Variants in LRRC7 observed in about 807,000 individuals in gnomAD.
The protein encoded by LRRC7 is leucine rich repeat containing 7.
A neutral mutation model predicts 175.7 loss-of-function variants in LRRC7; 23 were observed. The observed-to-expected ratio is 0.13, with a 90% CI of 0.09 to 0.19. The LOEUF (loss-of-function observed/expected upper bound fraction) is 0.19, where lower values mean the gene tolerates loss of function less well. LRRC7 is among the 10% of genes least tolerant of loss of function. The pLI is 1.00. For missense variants in LRRC7, 1,354 were observed against 1,904.7 expected (o/e 0.71, Z 5.38); for synonymous variants, 685 against 680.9 (o/e 1.01, Z -0.09).
chr1:69,697,901 G>A (rs923498649), intron 2 of LRRC7, among the ~76,000 whole-genome samples: 3 of 152,322 alleles, frequency 2.0e-5, no homozygotes, highest in South Asian at 2.1e-4. Flanking sequence ...GCTTACTGCT[G>A]TACAACTGAG....
intron 7 of LRRC7, among the ~76,000 whole-genome samples, chr1:69,897,115 C>T (rs1165494736): frequency 6.6e-6 from 1 of 152,112 alleles, no homozygotes; most frequent in African/African-American, 2.4e-5. Flanking sequence ...TGAAGATGTA[C>T]AACCCAACAA....
chr1:69,723,699 G>A (rs574318784), intron 2 of LRRC7, among the ~76,000 whole-genome samples: 79 of 152,220 alleles, frequency 5.2e-4, no homozygotes, highest in South Asian at 4.6e-3. Flanking sequence ...AACAATCAGC[G>A]TTTATTTCTT....
intron 1 of LRRC7, among the ~76,000 whole-genome samples, chr1:69,588,985 CTGTGTGTGTGTG>C: frequency 7.6e-6 from 1 of 131,156 alleles, no homozygotes. Context: ...CTGCTGGGGT[CTGTGTGTGTGTG>C]TGTGTGTGTG....
At chr1:69,635,004 G>A (rs1245039) in intron 1 of LRRC7, among the ~76,000 whole-genome samples, 31,263 of 152,020 alleles carry the variant, frequency 0.21, 3,918 homozygotes, top group South Asian at 0.29. Context: ...ACAAAGTTGT[G>A]TTACGGGGGT....
chr1:70,006,587 G>A (rs67297811), intron 11 of LRRC7, among the ~76,000 whole-genome samples: 6,249 of 152,138 alleles, frequency 0.041, 187 homozygotes, highest in Non-Finnish European at 0.062. Context: ...CCCACACCAA[G>A]CAACTTTGCA....
intron 3 of LRRC7, among the ~76,000 whole-genome samples, chr1:69,780,380 G>T (rs945850182): frequency 6.6e-6 from 1 of 152,110 alleles, no homozygotes; most frequent in Non-Finnish European, 1.5e-5. Flanking sequence ...TGAGGAAGGG[G>T]ATTCTTTGTT....
intron 25 of LRRC7, among the ~76,000 whole-genome samples, chr1:70,104,582 T>G (rs1242646221): frequency 6.6e-6 from 1 of 152,172 alleles, no homozygotes; most frequent in African/African-American, 2.4e-5. Flanking sequence ...AGGACCATTT[T>G]TTTAGTTAAT....
At chr1:69,671,320 T>A (rs571532446) in intron 1 of LRRC7, among the ~76,000 whole-genome samples, 1 of 152,240 alleles carries the variant, frequency 6.6e-6, no homozygotes, top group African/African-American at 2.4e-5. Context: ...GGGTGCCTCA[T>A]GACTTTGACT....
chr1:69,664,187 C>T (rs1176330989), intron 1 of LRRC7, among the ~76,000 whole-genome samples: 1 of 152,120 alleles, frequency 6.6e-6, no homozygotes, highest in Non-Finnish European at 1.5e-5. Context: ...ACCACATTTA[C>T]TTTAGGCATT....
Position 69,739,423 on chromosome 1 carries a change from C to T in LRRC7, c.101-20768C>T, listed in dbSNP as rs188766817. 5.9e-5 allele frequency among the ~76,000 whole-genome samples: 9 copies of T among 152,192 alleles called. No homozygotes were observed. In the East Asian group the frequency reaches 1.7e-3, roughly 29 times the overall value. The stretch of plus-strand genomic sequence containing the variant: ...AATGTAGAAGAAGAAATTCTTTCTA[C>T]CCACCAAGGATAAGAACAGCTTGAG... On this transcript the variant is annotated intron_variant, in intron 2 of 26. Coordinates refer to ENST00000651989, the MANE Select transcript of LRRC7 (RefSeq NM_001370785.2).
chr1:69,621,342 A>G (rs967434114), intron 1 of LRRC7, among the ~76,000 whole-genome samples: 3 of 152,118 alleles, frequency 2.0e-5, no homozygotes, highest in African/African-American at 7.2e-5. Flanking sequence ...CACCGCACCC[A>G]GCCTCTTGTA....
At chr1:69,792,988 G>A (rs1429730269) in intron 4 of LRRC7, among the ~76,000 whole-genome samples, 5 of 152,148 alleles carry the variant, frequency 3.3e-5, no homozygotes, top group African/African-American at 1.2e-4. Context: ...TAGGTACAAT[G>A]AGGATATAAA....
At chr1:69,719,102 A>G (rs1168155988) in intron 2 of LRRC7, among the ~76,000 whole-genome samples, 2 of 151,780 alleles carry the variant, frequency 1.3e-5, no homozygotes, top group Non-Finnish European at 3.0e-5. Flanking sequence ...AAGTCTCCCC[A>G]TAATTTGAAT....
chr1:69,705,458 G>A lies in LRRC7; in HGVS notation c.100+26980G>A, dbSNP rs193186839. 2.0e-5 allele frequency among the ~76,000 whole-genome samples: 3 copies of A among 152,170 alleles called. No homozygotes were observed. The East Asian group carries it at 5.8e-4, about 29-fold the overall frequency. ...AAGTCAAAATAAAACATAGAGATAGGCCTCTAAATTAAACATTTTCTTTGA... is the reference window on the plus strand; with the variant it reads ...AAGTCAAAATAAAACATAGAGATAGACCTCTAAATTAAACATTTTCTTTGA... On this transcript the variant is annotated intron_variant, in intron 2 of 26. Coordinates refer to ENST00000651989, the MANE Select transcript of LRRC7 (RefSeq NM_001370785.2).
chr1:70,107,745 C>T lies in LRRC7; in HGVS notation c.4546-7C>T, dbSNP rs1323705199. ...GAATCCTAACCTCTGTTACTTCTGA[C>T]TTATAGGGTATCTTTGTTACTAGGG... On this transcript the variant is annotated splice_polypyrimidine_tract_variant and splice_region_variant and intron_variant, in intron 25 of 26. Coordinates refer to ENST00000651989, the MANE Select transcript of LRRC7 (RefSeq NM_001370785.2). 6.2e-7 allele frequency: 1 copy of T among 1,611,284 alleles called. No individual in the cohort carries two copies. Among genetic ancestry groups the T allele is most frequent in the Non-Finnish European group, 8.5e-7 (1 of 1,177,776 alleles).
chr1:69,824,278 T>C (rs1046237218), intron 4 of LRRC7, among the ~76,000 whole-genome samples: 19 of 152,244 alleles, frequency 1.2e-4, no homozygotes, highest in African/African-American at 3.8e-4. Context: ...CTACTGTCCA[T>C]TGAAGATATT....
intron 7 of LRRC7, among the ~76,000 whole-genome samples, chr1:69,875,606 G>A (rs1397985680): frequency 1.3e-5 from 2 of 151,762 alleles, no homozygotes; most frequent in Non-Finnish European, 2.9e-5. Flanking sequence ...TAATATTTGT[G>A]TGACTCTAAT....
At chr1:69,980,576 G>A (rs112804003) in intron 9 of LRRC7, 123 bp downstream of exon 9, 2 of 748,660 alleles carry the variant, frequency 2.7e-6, no homozygotes, top group African/African-American at 1.8e-5. Flanking sequence ...CTCATTAGGA[G>A]TGTTCAGTCA....
intron 8 of LRRC7, among the ~76,000 whole-genome samples, chr1:69,951,163 G>A (rs1179897703): frequency 7.3e-5 from 11 of 150,088 alleles, no homozygotes; most frequent in African/African-American, 2.0e-4. Context: ...ACATACATGC[G>A]GCCAACAAAC....
Sources: allele counts gnomAD v4.1 joint callset (sites outside exome capture counted in the v4.1 genomes callset), GRCh38; gene constraint gnomAD v4.1.1; transcripts MANE v1.5; gene names NCBI Gene and HGNC (gene_info 2026-07-23, HGNC 2026-07-21).